The following PTCSC3 variants were observed in gnomAD, a reference collection of about 807,000 sequenced individuals.
PTCSC3 encodes the protein papillary thyroid carcinoma susceptibility candidate 3 (non-protein coding).
intron 3 of PTCSC3, among the ~76,000 whole-genome samples, chr14:36,146,233 C>T (rs1257630422): frequency 2.0e-5 from 3 of 146,420 alleles, no homozygotes; most frequent in African/African-American, 5.0e-5. Flanking sequence ...CTTTCTGTCT[C>T]GTTGATCTGT....
rs556655849 is a variant in PTCSC3, at chr14:36,147,805, G to A, written n.322+5999C>T. On this transcript the variant is annotated intron_variant and non_coding_transcript_variant, in intron 3 of 3. Coordinates refer to ENST00000556013, the Ensembl canonical transcript of PTCSC3. ...CATCTTTGTGGTTTTATCTACTTTT[G>A]GTCTTTGATGATGGTGATGTACAGA... is the stretch of plus-strand genomic sequence containing the variant. 7.4e-4 allele frequency among the ~76,000 whole-genome samples: 112 copies of A among 151,798 alleles called. 2 individuals carry two copies. Among genetic ancestry groups the A allele is most frequent in the Admixed American group, 6.6e-3 (101 of 15,248 alleles).
chr14:36,140,319 C>G (rs903603741), intron 3 of PTCSC3, among the ~76,000 whole-genome samples: 3 of 152,102 alleles, frequency 2.0e-5, no homozygotes, highest in Non-Finnish European at 4.4e-5. Context: ...TTTTGTGTGG[C>G]CATAATACCA....
Position 36,163,732 on chromosome 14 carries a change from CT to C in PTCSC3, n.172-1050del, listed in dbSNP as rs758348903. Among the ~76,000 whole-genome samples, 10 of 152,088 alleles carry C rather than the reference CT, an allele frequency of 6.6e-5. No individual in the cohort carries two copies. In the East Asian group the frequency reaches 1.7e-3, roughly 26 times the overall value. On this transcript the variant is annotated intron_variant and non_coding_transcript_variant, in intron 1 of 3. Coordinates refer to ENST00000556013, the Ensembl canonical transcript of PTCSC3. ...CTATATTCAAGGTCAAGAAATGTTT[CT>C]TTTTAAAATAGAACGGCACGAATCC...
At chr14:36,147,255 T>C (rs1396273736) in intron 3 of PTCSC3, among the ~76,000 whole-genome samples, 2 of 152,238 alleles carry the variant, frequency 1.3e-5, no homozygotes, top group Non-Finnish European at 2.9e-5. Context: ...TCCTGCAGCA[T>C]GTTTTCCAAT....
At chr14:36,140,930 A>C (rs192788546) in intron 3 of PTCSC3, among the ~76,000 whole-genome samples, 6 of 152,114 alleles carry the variant, frequency 3.9e-5, no homozygotes, top group African/African-American at 1.4e-4. Context: ...CTGTGTCTCG[A>C]CTTTTTTGAG....
chr14:36,164,713 T>TC (rs1293984620), intron 1 of PTCSC3, among the ~76,000 whole-genome samples: 2 of 152,168 alleles, frequency 1.3e-5, no homozygotes, highest in Admixed American at 1.3e-4. Context: ...GACCTCTATG[T>TC]CCCCATCCCT....
intron 1 of PTCSC3, among the ~76,000 whole-genome samples, chr14:36,169,719 G>A (rs1220317931): frequency 1.3e-5 from 2 of 152,082 alleles, no homozygotes; most frequent in Non-Finnish European, 2.9e-5. Context: ...AAATAGAAGA[G>A]CTAGGAGAGG....
intron 2 of PTCSC3, among the ~76,000 whole-genome samples, chr14:36,156,550 T>C (rs1428186276): frequency 1.3e-5 from 2 of 152,168 alleles, no homozygotes; most frequent in Non-Finnish European, 1.5e-5. Flanking sequence ...CTCCTAATAG[T>C]ATCTCTCCCC....
At chr14:36,135,323 C>T (rs1461872409), downstream of PTCSC3, among the ~76,000 whole-genome samples, 1 of 152,036 alleles carries the variant, frequency 6.6e-6, no homozygotes, top group East Asian at 1.9e-4. Flanking sequence ...CCCTAAAGAG[C>T]CCCTGAGTAG....
rs190798362 is a variant in PTCSC3, at chr14:36,152,543, C to T, written n.322+1261G>A. Among the ~76,000 whole-genome samples, 331 of 152,174 alleles carry T rather than the reference C, an allele frequency of 2.2e-3. 1 individual carries two copies. The highest frequency in any genetic ancestry group is 4.0e-3 in the Non-Finnish European group (272 of 68,014). On this transcript the variant is annotated intron_variant and non_coding_transcript_variant, in intron 3 of 3. Transcript: ENST00000556013. ...ACAATACAAATAAGAACTTAATATT[C>T]AGTATTTTAAAACATCTATGTCAAA...
intron 1 of PTCSC3, among the ~76,000 whole-genome samples, chr14:36,173,377 T>A (rs1170875362): frequency 6.6e-6 from 1 of 152,150 alleles, no homozygotes. Flanking sequence ...ATCATAGCCC[T>A]CTTTTGGACA....
intron 3 of PTCSC3, among the ~76,000 whole-genome samples, chr14:36,144,041 A>G (rs1881494423): frequency 2.6e-5 from 4 of 152,110 alleles, no homozygotes; most frequent in Admixed American, 2.0e-4. Context: ...TACCAGTACC[A>G]TGCTGTTTTG....
At chr14:36,150,396 A>T (rs1881693763) in intron 3 of PTCSC3, among the ~76,000 whole-genome samples, 1 of 152,220 alleles carries the variant, frequency 6.6e-6, no homozygotes, top group Admixed American at 6.5e-5. Context: ...TAAACCAAAA[A>T]GTGTGCTCGC....
intron 1 of PTCSC3, chr14:36,165,020 G>A (rs1882057037): frequency 6.6e-6 from 1 of 152,134 alleles, no homozygotes; most frequent in Admixed American, 6.6e-5. Context: ...AAGTAACCTG[G>A]GGGTATCCGG....
chr14:36,140,310 T>G (rs1390930416), intron 3 of PTCSC3, among the ~76,000 whole-genome samples: 1 of 152,190 alleles, frequency 6.6e-6, no homozygotes, highest in Admixed American at 6.5e-5. Flanking sequence ...TGTGCAGGTT[T>G]TTGTGTGGCC....
chr14:36,170,818 G>A (rs1252024943), intron 1 of PTCSC3, among the ~76,000 whole-genome samples: 1 of 152,096 alleles, frequency 6.6e-6, no homozygotes, highest in Non-Finnish European at 1.5e-5. Context: ...TGAGGATCCT[G>A]TGGTTTTGAG....
chr14:36,152,824 G>T (rs1426514191), intron 3 of PTCSC3, among the ~76,000 whole-genome samples: 2 of 151,456 alleles, frequency 1.3e-5, no homozygotes, highest in Non-Finnish European at 2.9e-5. Flanking sequence ...AACCCAGGAG[G>T]TGGAGGTTGC....
chr14:36,172,458 C>G (rs1438621758), intron 1 of PTCSC3, among the ~76,000 whole-genome samples: 2 of 151,882 alleles, frequency 1.3e-5, no homozygotes, highest in East Asian at 3.9e-4. Context: ...ATTTCTAGAG[C>G]ATAAAAATAT....
intron 3 of PTCSC3, among the ~76,000 whole-genome samples, chr14:36,140,992 C>A (rs1881406980): frequency 6.6e-6 from 1 of 152,126 alleles, no homozygotes; most frequent in African/African-American, 2.4e-5. Context: ...AAAAGACTAT[C>A]TTTTCTCCAC....
Sources: allele counts gnomAD v4.1 joint callset (sites outside exome capture counted in the v4.1 genomes callset), GRCh38; gene constraint gnomAD v4.1.1; transcripts MANE v1.5; gene names NCBI Gene and HGNC (gene_info 2026-07-23, HGNC 2026-07-21).